ISLR2: variants seen among roughly 807,000 people sequenced by gnomAD.
ISLR2 encodes the protein immunoglobulin superfamily containing leucine-rich repeat protein 2.
ISLR2 carries 16 observed loss-of-function variants against 25.5 expected under a neutral mutation model. The ratio of observed to expected loss-of-function variants is 0.63; its 90% confidence interval spans 0.43 to 0.95. ISLR2 has a LOEUF of 0.95. Among genes scored for constraint, ISLR2 ranks in the 40% least tolerant of loss-of-function variants. The probability of loss-of-function intolerance (pLI) is 0.00; values close to 1 mark genes in which losing one functional copy is unlikely to be tolerated. For missense variants in ISLR2, 883 were observed against 1,030.7 expected (o/e 0.86, Z 1.96); for synonymous variants, 508 against 486.6 (o/e 1.04, Z -0.58).
chr15:74,127,475 G>A (rs545607371), upstream of ISLR2: 1 of 152,394 alleles, frequency 6.6e-6, no homozygotes, highest in Admixed American at 6.5e-5. Context: ...GACAGCGCCT[G>A]TGTTGTGTAG....
chr15:74,106,941 G>C (rs111672643), intron 2 of ISLR2, among the ~76,000 whole-genome samples: 1 of 152,088 alleles, frequency 6.6e-6, no homozygotes, highest in Admixed American at 6.5e-5. Context: ...CTCCGAACTC[G>C]TACTAGTTGC....
Position 74,135,299 on chromosome 15 carries a change from G to T in ISLR2, c.*307G>T, listed in dbSNP as rs533413489. The T allele has an allele frequency of 2.3e-4, 76 of 329,578 alleles. No individual in the cohort carries two copies. The East Asian group carries it at 4.0e-3, about 17-fold the overall frequency. The allele number at this position is 329,578 out of a possible 1,614,324, so 20.4% of individuals were successfully genotyped here. ...GCGATATCTATGTCCCTCCATTCCC[G>T]TCGCGATTATCTGCGAAATCCACCC... On this transcript the variant is annotated 3_prime_UTR_variant, in exon 3 of 3. Coordinates refer to ENST00000453268, the MANE Select transcript of ISLR2 (RefSeq NM_020851.3).
At chr15:74,106,525 A>T (rs1427642344) in intron 2 of ISLR2, among the ~76,000 whole-genome samples, 1 of 152,044 alleles carries the variant, frequency 6.6e-6, no homozygotes, top group African/African-American at 2.4e-5. Context: ...GGCTCTATGT[A>T]GGAGAGCTGG....
Position 74,133,474 on chromosome 15 carries a change from G to C in ISLR2, c.720G>C (p.Glu240Asp). ...CAPPSVHLSA[E>D]PPLEAPGTPL... is the part of the protein sequence containing the mutation. ...CGCCCAGCGTGCATCTGAGTGCCGAGCCACCGCTTGAAGCACCCGGCACCC... is the reference window on the plus strand; with the variant it reads ...CGCCCAGCGTGCATCTGAGTGCCGACCCACCGCTTGAAGCACCCGGCACCC... Residue 240 changes from glutamate to aspartate, a missense_variant, in exon 3 of 3, where the codon GAG becomes GAC. Physicochemically the swap from Glu to Asp is conservative, Grantham distance 45. Transcript: ENST00000453268. The C allele has an allele frequency of 6.2e-7, 1 of 1,612,998 alleles. No individual in the cohort carries two copies. Among genetic ancestry groups the C allele is most frequent in the Non-Finnish European group, 8.5e-7 (1 of 1,179,838 alleles).
chr15:74,103,852 C>T (rs2072099433), exon 2 of ISLR2: 2 of 147,618 alleles, frequency 1.4e-5, no homozygotes, highest in Admixed American at 1.4e-4. Context: ...ACAGGCTTTC[C>T]CCTTTGCTCG....
intron 2 of ISLR2, among the ~76,000 whole-genome samples, chr15:74,115,870 G>A (rs2072205926): frequency 7.0e-6 from 1 of 143,526 alleles, no homozygotes; most frequent in South Asian, 2.3e-4. Context: ...ATGATGAGAA[G>A]AGAGAAATAG....
At chr15:74,121,484 C>A (rs1176481349) in intron 2 of ISLR2, among the ~76,000 whole-genome samples, 2 of 152,034 alleles carry the variant, frequency 1.3e-5, no homozygotes, top group African/African-American at 2.4e-5. Context: ...ACTGAGGCAC[C>A]CTTCCTCAGC....
chr15:74,133,634 G>A lies in ISLR2; in HGVS notation c.880G>A (p.Gly294Arg), dbSNP rs766709536. 48 of 1,613,484 alleles carry A rather than the reference G, an allele frequency of 3.0e-5. No individual in the cohort carries two copies. The highest frequency in any genetic ancestry group is 6.7e-5 in the Admixed American group (4 of 59,944). ...EPPVLSGEDD[G>R]VGAEEGEGEG... ...ACCGGTTCTGAGCGGGGAGGACGAC[G>A]GGGTTGGGGCGGAGGAAGGAGAGGG... Residue 294 changes from glycine to arginine, a missense_variant, in exon 3 of 3, where the codon GGG becomes AGG. Gly to Arg is a moderately radical substitution (Grantham distance 125, BLOSUM62 -2). Transcript: ENST00000453268.
In ISLR2 at chr15:74,105,842, C is replaced by T. The variant is rs577223269; in HGVS notation, n.228+1928C>T. Among the ~76,000 whole-genome samples the T allele has an allele frequency of 5.9e-5, 9 of 152,218 alleles. No homozygotes were observed. In the South Asian group the frequency reaches 1.9e-3, roughly 32 times the overall value. On this transcript the variant is annotated intron_variant and non_coding_transcript_variant, in intron 2 of 3. Transcript: ENST00000561975. ...CACCCAGCCTCGAAAACCAGTAGAA[C>T]TTTGACATTAATATACTAACCCTCA...
intron 1 of ISLR2, among the ~76,000 whole-genome samples, chr15:74,101,994 C>T (rs2072084210): frequency 6.9e-6 from 1 of 145,406 alleles, no homozygotes; most frequent in South Asian, 2.2e-4. Context: ...GCAGGCAGAT[C>T]ACCTGAGGTC....
At chr15:74,140,133 C>T (rs1567167190), downstream of ISLR2, among the ~76,000 whole-genome samples, 1 of 152,104 alleles carries the variant, frequency 6.6e-6, no homozygotes, top group Non-Finnish European at 1.5e-5. Flanking sequence ...TGAGAACCAT[C>T]TTGAAGATCA....
chr15:74,118,406 C>T (rs892075701), intron 2 of ISLR2, among the ~76,000 whole-genome samples: 4 of 152,182 alleles, frequency 2.6e-5, no homozygotes, highest in African/African-American at 7.2e-5. Context: ...GTTTCAGGCA[C>T]GCATTGTCAT....
chr15:74,134,868 A>G lies in ISLR2; in HGVS notation c.2114A>G (p.Gln705Arg). 2.5e-6 allele frequency: 4 copies of G among 1,614,154 alleles called. No homozygotes were observed. The highest frequency in any genetic ancestry group is 3.4e-6 in the Non-Finnish European group (4 of 1,180,024). The change falls in exon 3 of 3, where the codon CAG becomes CGG. Residue 705 changes from glutamine (Q) to arginine (R), a missense_variant. Gln to Arg is a conservative substitution (Grantham distance 43). Transcript: ENST00000453268. ...GCGGCCTGCTCACTGGTGGAGTCCCAGTCCAAGGCCAACCAAGAGGAGTTC... is the reference window on the plus strand; with the variant it reads ...GCGGCCTGCTCACTGGTGGAGTCCCGGTCCAAGGCCAACCAAGAGGAGTTC... ...SLAACSLVES[Q>R]SKANQEEFEA...
At chr15:74,139,272 T>C (rs561156789), downstream of ISLR2, among the ~76,000 whole-genome samples, 2 of 152,304 alleles carry the variant, frequency 1.3e-5, no homozygotes, top group African/African-American at 4.8e-5. Context: ...CCCACTGAAA[T>C]CCCAGCCCTC....
chr15:74,123,300 G>A (rs2072267695), upstream of ISLR2, among the ~76,000 whole-genome samples: 1 of 151,992 alleles, frequency 6.6e-6, no homozygotes, highest in South Asian at 2.1e-4. Context: ...ATGAGGAAGA[G>A]AGGAAGCCAC....
At chr15:74,125,896 T>C (rs574217402), upstream of ISLR2, 19 of 152,280 alleles carry the variant, frequency 1.2e-4, no homozygotes, top group African/African-American at 4.1e-4. Context: ...ATAATTAAAG[T>C]CACAAAGTCC....
At chr15:74,108,187 C>A (rs1007359005) in intron 2 of ISLR2, among the ~76,000 whole-genome samples, 4 of 152,178 alleles carry the variant, frequency 2.6e-5, no homozygotes, top group African/African-American at 7.2e-5. Context: ...AGGCTGCATC[C>A]CTTTCCCACC....
intron 1 of ISLR2, among the ~76,000 whole-genome samples, chr15:74,103,327 G>C (rs1211190035): frequency 6.6e-6 from 1 of 150,966 alleles, no homozygotes; most frequent in Non-Finnish European, 1.5e-5. Flanking sequence ...TTCAGGCTGG[G>C]TGCAGTGGCT....
chr15:74,129,140 G>A (rs1369992682), upstream of ISLR2: 3 of 444,524 alleles, frequency 6.7e-6, no homozygotes, highest in South Asian at 4.8e-5. This position sits in a 1 kb window ranked among gnomAD's most constrained non-coding sequence, Gnocchi z 4.5. Flanking sequence ...GTGAAGTTCT[G>A]TGTTCTGAAC....
Sources: gnomAD v4.1 joint callset for allele counts (sites outside exome capture counted in the v4.1 genomes callset) on GRCh38, gnomAD v4.1.1 for gene constraint, Gnocchi (gnomAD v3.1) non-coding constraint, MANE v1.5 for transcripts, NCBI Gene and HGNC (gene_info 2026-07-23, HGNC 2026-07-21) for gene names.